Variants in CTNNAL1 observed in about 807,000 individuals in gnomAD.
CTNNAL1 encodes catenin alpha like 1.
In CTNNAL1, 69 loss-of-function variants were observed where a neutral mutation model predicts 93.6. The observed-to-expected ratio is 0.74, with a 90% confidence interval of 0.61 to 0.90. The LOEUF (loss-of-function observed/expected upper bound fraction) is 0.90, where lower values mean the gene tolerates loss of function less well. Ranked by LOEUF, CTNNAL1 falls within the 40% of genes least tolerant of loss-of-function variation. The pLI, the probability that CTNNAL1 is intolerant of heterozygous loss-of-function variation, is 0.00. For missense variants in CTNNAL1, 836 were observed against 862.0 expected (o/e 0.97, Z 0.38); for synonymous variants, 286 against 305.4 (o/e 0.94, Z 0.66).
intron 3 of CTNNAL1, chr9:108,991,859 G>A (rs1831818372): frequency 1.8e-6 from 1 of 540,652 alleles, no homozygotes; most frequent in South Asian, 2.2e-5. Context: ...AGCAAGAAGT[G>A]ATCGTACATA....
Position 108,990,338 on chromosome 9 carries a change from G to C in CTNNAL1, c.639+388C>G, listed in dbSNP as rs138169622. Among the ~76,000 whole-genome samples the C allele has an allele frequency of 4.8e-3, 723 of 152,196 alleles. 6 individuals carry two copies. Among genetic ancestry groups the C allele is most frequent in the African/African-American group, 0.017 (707 of 41,520 alleles). On this transcript the variant is annotated intron_variant, in intron 4 of 18. Coordinates refer to ENST00000325551, the MANE Select transcript of CTNNAL1 (RefSeq NM_003798.4). ...TATTACTATTAATCTAATACGGTAA[G>C]AATAACAAATATCTAACAAGATACT... is the stretch of plus-strand genomic sequence containing the variant.
At chr9:108,966,131 G>A (rs1830944791) in intron 10 of CTNNAL1, among the ~76,000 whole-genome samples, 1 of 151,978 alleles carries the variant, frequency 6.6e-6, no homozygotes, top group East Asian at 1.9e-4. Flanking sequence ...CCAGTAACTT[G>A]TGCCAGACCC....
At chr9:109,007,609 G>T (rs372214040) in intron 1 of CTNNAL1, among the ~76,000 whole-genome samples, 1 of 152,162 alleles carries the variant, frequency 6.6e-6, no homozygotes, top group African/African-American at 2.4e-5. Flanking sequence ...AGGAGGTGGG[G>T]AGGTACTCTA....
intron 1 of CTNNAL1, among the ~76,000 whole-genome samples, chr9:109,001,701 C>T (rs965395878): frequency 6.6e-6 from 1 of 152,202 alleles, no homozygotes; most frequent in African/African-American, 2.4e-5. Flanking sequence ...ATGTCAACAG[C>T]TGAGTGAGTG....
chr9:108,970,362 T>C, intron 10 of CTNNAL1, 40 bp downstream of exon 10: 1 of 1,565,208 alleles, frequency 6.4e-7, no homozygotes, highest in East Asian at 2.4e-5. Flanking sequence ...AACACTCAGA[T>C]AGGACACAAT....
intron 8 of CTNNAL1, among the ~76,000 whole-genome samples, chr9:108,973,882 T>A (rs1032330923): frequency 1.3e-5 from 2 of 152,198 alleles, no homozygotes; most frequent in African/African-American, 2.4e-5. Flanking sequence ...ACCCTCTGCA[T>A]TCATGCAACT....
intron 11 of CTNNAL1, among the ~76,000 whole-genome samples, chr9:108,960,618 A>C (rs1033679622): frequency 6.6e-6 from 1 of 152,236 alleles, no homozygotes; most frequent in Admixed American, 6.5e-5. Flanking sequence ...CTGCATCTCT[A>C]TAAACTGAAG....
chr9:108,989,929 T>C (rs948242792), intron 4 of CTNNAL1, among the ~76,000 whole-genome samples: 6 of 152,132 alleles, frequency 3.9e-5, no homozygotes, highest in Admixed American at 1.3e-4. Flanking sequence ...TGCATGCCTG[T>C]AGTCCCAGCT....
intron 5 of CTNNAL1, 67 bp downstream of exon 5, chr9:108,984,280 G>C: frequency 1.2e-6 from 1 of 800,902 alleles, no homozygotes; most frequent in East Asian, 2.5e-5. Flanking sequence ...AATTATGTAA[G>C]TTAAATGCAT....
At chr9:108,970,594 T>C (rs543706616) in intron 9 of CTNNAL1, 100 bp from the exon 10 acceptor site, 14 of 1,017,398 alleles carry the variant, frequency 1.4e-5, no homozygotes, top group Admixed American at 7.3e-5. Context: ...AAATAAAATT[T>C]CTTAAAACCT....
In CTNNAL1 at chr9:108,983,384, G is replaced by GA. The variant is rs1831498493; in HGVS notation, c.730-70dup. ...TCATAATGCACAAAAATCTTACAGA[G>GA]AACATGTCATGCTAAGAAAAATGGT... On this transcript the variant is annotated intron_variant, in intron 5 of 18. Coordinates refer to ENST00000325551, the MANE Select transcript of CTNNAL1 (RefSeq NM_003798.4). The GA allele has an allele frequency of 4.5e-6, 6 of 1,320,188 alleles. No individual in the cohort carries two copies. In the Admixed American group the frequency reaches 2.0e-4, roughly 45 times the overall value. 81.8% of individuals were successfully genotyped at this position (1,320,188 alleles called of 1,614,324 possible). A position where few individuals can be genotyped will look rare whatever the true frequency, so the allele number is the denominator to read the frequency against.
chr9:108,971,701 T>C (rs1166959758), intron 9 of CTNNAL1, among the ~76,000 whole-genome samples: 1 of 152,206 alleles, frequency 6.6e-6, no homozygotes, highest in Non-Finnish European at 1.5e-5. Context: ...CTCTTTTTCT[T>C]TATAAATTAC....
At chr9:108,956,291 C>T (rs1488216806) in intron 11 of CTNNAL1, among the ~76,000 whole-genome samples, 2 of 152,142 alleles carry the variant, frequency 1.3e-5, no homozygotes, top group African/African-American at 2.4e-5. Context: ...ACCCTCTGTA[C>T]AAGATAGGAA....
At chr9:108,955,447 G>A (rs1830667367) in intron 12 of CTNNAL1, among the ~76,000 whole-genome samples, 1 of 152,182 alleles carries the variant, frequency 6.6e-6, no homozygotes, top group Non-Finnish European at 1.5e-5. Context: ...ATTCCAACAT[G>A]ACTTCTCAAA....
At chr9:109,012,329 G>T (rs28361103) in intron 1 of CTNNAL1, among the ~76,000 whole-genome samples, 11 of 152,162 alleles carry the variant, frequency 7.2e-5, no homozygotes, top group African/African-American at 2.7e-4. Flanking sequence ...GCTAAAGAAA[G>T]AATTTTTAGT....
chr9:109,007,601 G>A (rs917943575), intron 1 of CTNNAL1, among the ~76,000 whole-genome samples: 4 of 152,216 alleles, frequency 2.6e-5, no homozygotes, highest in Non-Finnish European at 4.4e-5. Flanking sequence ...ATTATTAAAG[G>A]AGGTGGGGAG....
intron 11 of CTNNAL1, 144 bp downstream of exon 11, chr9:108,965,233 AT>A (rs911200720): frequency 1.1e-5 from 7 of 608,738 alleles, no homozygotes; most frequent in Non-Finnish European, 1.8e-5. Context: ...TATTTTTGTA[AT>A]TTTTTTGTGA....
chr9:108,976,033 T>G (rs935598345), intron 8 of CTNNAL1, among the ~76,000 whole-genome samples: 3 of 152,182 alleles, frequency 2.0e-5, no homozygotes, highest in African/African-American at 7.2e-5. Context: ...TAAAACAAAA[T>G]GTACCCATTT....
At chr9:109,004,132 G>A (rs1275854203) in intron 1 of CTNNAL1, among the ~76,000 whole-genome samples, 11 of 152,136 alleles carry the variant, frequency 7.2e-5, no homozygotes, top group Admixed American at 1.3e-4. Flanking sequence ...ACACTTCACC[G>A]GCCAAGTGGG....
Sources: gnomAD v4.1 joint callset for allele counts (sites outside exome capture counted in the v4.1 genomes callset) on GRCh38, gnomAD v4.1.1 for gene constraint, MANE v1.5 for transcripts, NCBI Gene and HGNC (gene_info 2026-07-23, HGNC 2026-07-21) for gene names.